Variants in RTL4 observed in about 807,000 individuals in gnomAD.
RTL4 encodes retrotransposon Gag like 4, also known as retrotransposon Gag-like protein 4.
A neutral mutation model predicts 5.3 loss-of-function variants in RTL4; 4 were observed. The observed-to-expected ratio is 0.75, with a 90% CI of 0.37 to 1.72. RTL4 has a LOEUF of 1.72. Among genes scored for constraint, RTL4 ranks in the 40% most tolerant of loss-of-function variants. RTL4 has a pLI of 0.04. For missense variants in RTL4, 260 were observed against 227.1 expected (o/e 1.14, Z -0.93); for synonymous variants, 98 against 87.3 (o/e 1.12, Z -0.68).
At chrX:112,170,489 G>T in the RTL4 span, among the ~76,000 whole-genome samples, 1 of 111,213 alleles carries the variant, frequency 9.0e-6, no homozygotes, top group Non-Finnish European at 1.9e-5. Context: ...TGTATTCCTA[G>T]GTATTTTATT....
the RTL4 span, among the ~76,000 whole-genome samples, chrX:112,317,378 TG>T: frequency 8.9e-6 from 1 of 112,121 alleles, no homozygotes; most frequent in East Asian, 2.8e-4. Flanking sequence ...CAAATAGGAC[TG>T]GCATGTATTC....
the RTL4 span, among the ~76,000 whole-genome samples, chrX:112,250,039 G>A: frequency 9.1e-6 from 1 of 110,453 alleles, no homozygotes; most frequent in Non-Finnish European, 1.9e-5. Context: ...CAATTTGGGA[G>A]GCCGAGGTAG....
chrX:112,130,545 T>C, the RTL4 span, among the ~76,000 whole-genome samples: 1 of 111,073 alleles, frequency 9.0e-6, no homozygotes, highest in Non-Finnish European at 1.9e-5. Context: ...TTTATATTAT[T>C]TTTATGTATG....
chrX:112,346,275 A>G, the RTL4 span, among the ~76,000 whole-genome samples: 32 of 110,940 alleles, frequency 2.9e-4, no homozygotes, highest in Non-Finnish European at 5.9e-4. Context: ...CCAAAGACAT[A>G]CTCCCCTTAT....
the RTL4 span, among the ~76,000 whole-genome samples, chrX:112,152,029 A>C: frequency 8.9e-6 from 1 of 111,883 alleles, no homozygotes; most frequent in Non-Finnish European, 1.9e-5. Flanking sequence ...GCTTCCAAGG[A>C]CAAGTCAGAA....
upstream of RTL4, among the ~76,000 whole-genome samples, chrX:112,452,771 C>G (rs1926762719): frequency 8.9e-6 from 1 of 111,819 alleles, no homozygotes; most frequent in Non-Finnish European, 1.9e-5. Context: ...GTGGCTCACA[C>G]CTGTAATCCC....
chrX:112,098,926 A>C, the RTL4 span, among the ~76,000 whole-genome samples: 1 of 112,418 alleles, frequency 8.9e-6, no homozygotes, highest in South Asian at 3.7e-4. Context: ...AAAACCATAA[A>C]AACACTAGAA....
the RTL4 span, among the ~76,000 whole-genome samples, chrX:112,143,336 A>G: frequency 9.0e-6 from 1 of 111,110 alleles, no homozygotes; most frequent in Non-Finnish European, 1.9e-5. Context: ...GATTTTAAAT[A>G]AGTAGGTCTC....
the RTL4 span, among the ~76,000 whole-genome samples, chrX:112,219,394 C>T: frequency 1.8e-5 from 2 of 111,826 alleles, no homozygotes; most frequent in African/African-American, 6.5e-5. Flanking sequence ...TAAACAGATC[C>T]TCAAAAAACG....
chrX:112,201,076 G>C, the RTL4 span, among the ~76,000 whole-genome samples: 29,391 of 110,819 alleles, frequency 0.27, 3,630 homozygotes, highest in African/African-American at 0.47. Context: ...GAGGAGACCT[G>C]AGCAAACTTA....
chrX:112,278,331 T>C, the RTL4 span, among the ~76,000 whole-genome samples: 1 of 112,166 alleles, frequency 8.9e-6, no homozygotes, highest in African/African-American at 3.2e-5. Context: ...ATGTTGGCAG[T>C]TTCTAAAACA....
At chrX:112,238,692 A>AT in the RTL4 span, among the ~76,000 whole-genome samples, 25 of 110,036 alleles carry the variant, frequency 2.3e-4, no homozygotes, top group Admixed American at 1.7e-3. Context: ...GTGATTTTTT[A>AT]TTTTTTTTTA....
chrX:112,113,954 G>A, the RTL4 span, among the ~76,000 whole-genome samples: 1 of 111,174 alleles, frequency 9.0e-6, no homozygotes, highest in Non-Finnish European at 1.9e-5. Context: ...GAACACCGAG[G>A]TTGCCAGTTT....
At chrX:112,397,032 G>A in the RTL4 span, among the ~76,000 whole-genome samples, 1 of 111,853 alleles carries the variant, frequency 8.9e-6, no homozygotes, top group East Asian at 2.8e-4. Flanking sequence ...ATTTCTCCAT[G>A]TGAAGTTATT....
chrX:112,172,799 G>T, the RTL4 span, among the ~76,000 whole-genome samples: 1 of 111,599 alleles, frequency 9.0e-6, no homozygotes, highest in Non-Finnish European at 1.9e-5. Context: ...AGAAAATGTG[G>T]TACATATACT....
chrX:112,303,717 C>T, the RTL4 span, among the ~76,000 whole-genome samples: 1 of 99,625 alleles, frequency 1.0e-5, no homozygotes, highest in African/African-American at 3.9e-5. Flanking sequence ...TGTAACTAAC[C>T]TGCACATTGT....
the RTL4 span, among the ~76,000 whole-genome samples, chrX:112,101,585 A>G: frequency 9.0e-6 from 1 of 111,489 alleles, no homozygotes; most frequent in African/African-American, 3.2e-5. Flanking sequence ...CCCATAGGTG[A>G]CAAATTCCTG....
At chrX:112,386,312 A>T in the RTL4 span, among the ~76,000 whole-genome samples, 1 of 111,766 alleles carries the variant, frequency 8.9e-6, no homozygotes. Context: ...GACCAAAGTC[A>T]CCCTTTTGTG....
chrX:112,398,593 T>A, the RTL4 span, among the ~76,000 whole-genome samples: 1 of 109,009 alleles, frequency 9.2e-6, no homozygotes, highest in Non-Finnish European at 1.9e-5. Flanking sequence ...TAGAGACGGG[T>A]TTTCACCATG....
Sources: gnomAD v4.1 joint callset for allele counts (sites outside exome capture counted in the v4.1 genomes callset) on GRCh38, gnomAD v4.1.1 for gene constraint, MANE v1.5 for transcripts, NCBI Gene and HGNC (gene_info 2026-07-23, HGNC 2026-07-21) for gene names.